TCF7L1: variants seen among roughly 807,000 people sequenced by gnomAD.
TCF7L1 encodes transcription factor 7 like 1.
In TCF7L1, 18 loss-of-function variants were observed where a neutral mutation model predicts 63.7. The ratio of observed to expected loss-of-function variants is 0.28; its 90% confidence interval spans 0.20 to 0.42. TCF7L1 has a LOEUF of 0.42. TCF7L1 is among the 10% of genes least tolerant of loss of function. TCF7L1 has a pLI of 1.00. For missense variants in TCF7L1, 654 were observed against 779.3 expected, an observed-to-expected ratio of 0.84 and a Z score of 1.91; for synonymous variants, 355 against 340.9, an observed-to-expected ratio of 1.04 and a Z score of -0.46.
At chr2:85,308,960 G>C (rs1470620483) in intron 11 of TCF7L1, 69 bp from the exon 12 acceptor site, 1 of 1,492,824 alleles carries the variant, frequency 6.7e-7, no homozygotes, top group African/African-American at 1.4e-5. Flanking sequence ...TGTATCGCCA[G>C]GGCTGTTCCT....
intron 3 of TCF7L1, among the ~76,000 whole-genome samples, chr2:85,204,372 C>T (rs1679347243): frequency 7.3e-6 from 1 of 136,694 alleles, no homozygotes; most frequent in South Asian, 2.4e-4. Flanking sequence ...TCTAATTAGC[C>T]ACTGTGTGGT....
chr2:85,209,138 G>A (rs754332270), intron 3 of TCF7L1, among the ~76,000 whole-genome samples: 4 of 143,206 alleles, frequency 2.8e-5, no homozygotes, highest in Non-Finnish European at 4.6e-5. Flanking sequence ...TTGCCAGGAA[G>A]GCCCTTAGAA....
At chr2:85,181,436 G>T (rs147408217) in intron 3 of TCF7L1, among the ~76,000 whole-genome samples, 2 of 152,176 alleles carry the variant, frequency 1.3e-5, no homozygotes, top group Non-Finnish European at 2.9e-5. Flanking sequence ...GCATGGGCCC[G>T]CCTGCTGGGG....
chr2:85,140,433 T>C (rs1677699492), intron 3 of TCF7L1, among the ~76,000 whole-genome samples: 1 of 151,464 alleles, frequency 6.6e-6, no homozygotes, highest in Non-Finnish European at 1.5e-5. Flanking sequence ...AAGGGAGCAT[T>C]GGGTAAGGTA....
At chr2:85,297,497 CGT>C (rs761209193) in intron 4 of TCF7L1, among the ~76,000 whole-genome samples, 28 of 152,296 alleles carry the variant, frequency 1.8e-4, no homozygotes, top group Non-Finnish European at 3.4e-4. Flanking sequence ...CCACAATCAA[CGT>C]GTCCAGCTCC....
intron 3 of TCF7L1, among the ~76,000 whole-genome samples, chr2:85,239,064 A>G (rs1361731921): frequency 1.3e-5 from 2 of 152,050 alleles, no homozygotes; most frequent in Non-Finnish European, 2.9e-5. Context: ...ACAGGGGTCC[A>G]GGGGTATGAC....
chr2:85,302,575 C>T lies in TCF7L1; in HGVS notation c.617C>T (p.Ser206Phe). ...TYSNDHFSPGSPPTHLSPEID... is the reference protein window; with the variant it reads ...TYSNDHFSPGFPPTHLSPEID... ...AGCAATGACCACTTCTCCCCCGGCTCCCCTCCCACCCACCTCTCCCCAGAG... is the reference window on the plus strand; with the variant it reads ...AGCAATGACCACTTCTCCCCCGGCTTCCCTCCCACCCACCTCTCCCCAGAG... The change falls in exon 5 of 12, where the codon TCC becomes TTC. Residue 206 changes from serine (S) to phenylalanine (F), a missense_variant. Physicochemically the swap from Ser to Phe is radical, Grantham distance 155 (BLOSUM62 -2). This residue lies in a region of TCF7L1 where 404 missense variants were observed against 454.8 expected (regional missense o/e 0.89). Coordinates refer to ENST00000282111, the MANE Select transcript of TCF7L1 (RefSeq NM_031283.3). The T allele has an allele frequency of 1.2e-6, 2 of 1,602,918 alleles. No individual in the cohort carries two copies. Among genetic ancestry groups the T allele is most frequent in the Non-Finnish European group, 1.7e-6 (2 of 1,172,728 alleles).
chr2:85,192,395 T>A lies in TCF7L1; in HGVS notation c.441+57945T>A, dbSNP rs532601371. On this transcript the variant is annotated intron_variant, in intron 3 of 11. Coordinates refer to ENST00000282111, the MANE Select transcript of TCF7L1 (RefSeq NM_031283.3). ...AACATGTAGAGCTCTAATTTTATTTTTTTTTTATTTATTTTTTTGAGACAG... is the reference window on the plus strand; with the variant it reads ...AACATGTAGAGCTCTAATTTTATTTATTTTTTATTTATTTTTTTGAGACAG... 1.8e-4 allele frequency among the ~76,000 whole-genome samples: 28 copies of A among 152,308 alleles called. No individual in the cohort carries two copies. The South Asian group carries it at 4.6e-3, about 25-fold the overall frequency.
intron 3 of TCF7L1, among the ~76,000 whole-genome samples, chr2:85,279,377 A>AC (rs60624652): frequency 6.6e-6 from 1 of 151,960 alleles, no homozygotes; most frequent in East Asian, 1.9e-4. Context: ...TGGGCAACGT[A>AC]GCAAGACCCC....
chr2:85,309,470 C>T lies in TCF7L1; in HGVS notation c.*8C>T. On this transcript the variant is annotated 3_prime_UTR_variant, in exon 12 of 12. Coordinates refer to ENST00000282111, the MANE Select transcript of TCF7L1 (RefSeq NM_031283.3). ...ACCAAGTCTGCCCACTAAGCTCCCC[C>T]CGACCCCTGCAGGCTGTCACATGAC... The T allele has an allele frequency of 6.6e-7, 1 of 1,518,636 alleles. No individual in the cohort carries two copies. Among genetic ancestry groups the T allele is most frequent in the Admixed American group, 2.2e-5 (1 of 44,474 alleles). 94.1% of individuals were successfully genotyped at this position (1,518,636 alleles called of 1,614,324 possible).
At chr2:85,264,407 C>T (rs1354734502) in intron 3 of TCF7L1, among the ~76,000 whole-genome samples, 1 of 152,152 alleles carries the variant, frequency 6.6e-6, no homozygotes, top group African/African-American at 2.4e-5. Flanking sequence ...CACAAATCCT[C>T]GGACATGAGA....
rs1679194906 is a variant in TCF7L1 at position 85,197,977 on chromosome 2, G to C, written c.441+63527G>C. Among the ~76,000 whole-genome samples the C allele has an allele frequency of 4.6e-5, 7 of 152,198 alleles. No individual in the cohort carries two copies. In the South Asian group the frequency reaches 1.4e-3, roughly 31 times the overall value. Reference sequence around the variant, plus strand: ...TGGCAGAGGAGGGGTCCAGTGGGCTGTCTGGGCCATGTGAGGCTGTCTGCA... The same window carrying C: ...TGGCAGAGGAGGGGTCCAGTGGGCTCTCTGGGCCATGTGAGGCTGTCTGCA... On this transcript the variant is annotated intron_variant, in intron 3 of 11. Coordinates refer to ENST00000282111, the MANE Select transcript of TCF7L1 (RefSeq NM_031283.3).
chr2:85,297,680 CCCGGCATGG>C (rs1478124625), intron 4 of TCF7L1, among the ~76,000 whole-genome samples: 29 of 152,092 alleles, frequency 1.9e-4, no homozygotes, highest in Non-Finnish European at 3.4e-4. Flanking sequence ...CAAAAGTTAG[CCCGGCATGG>C]TGGGAAGATC....
chr2:85,221,649 G>A (rs1465853378), intron 3 of TCF7L1, among the ~76,000 whole-genome samples: 2 of 152,190 alleles, frequency 1.3e-5, no homozygotes, highest in Admixed American at 6.5e-5. Flanking sequence ...CCACAATAAG[G>A]GCATTAATAC....
At chr2:85,254,464 G>C (rs1680661838) in intron 3 of TCF7L1, among the ~76,000 whole-genome samples, 1 of 152,200 alleles carries the variant, frequency 6.6e-6, no homozygotes, top group African/African-American at 2.4e-5. Flanking sequence ...CTTGAAGGTT[G>C]TTTCATAGCC....
At chr2:85,166,565 C>T (rs1360376947) in intron 3 of TCF7L1, among the ~76,000 whole-genome samples, 1 of 152,186 alleles carries the variant, frequency 6.6e-6, no homozygotes, top group East Asian at 1.9e-4. Flanking sequence ...ACCCAGGAGC[C>T]CTGCCCTATC....
chr2:85,266,406 G>A (rs1326429645), intron 3 of TCF7L1, among the ~76,000 whole-genome samples: 1 of 152,194 alleles, frequency 6.6e-6, no homozygotes, highest in Non-Finnish European at 1.5e-5. Context: ...GCCAACATGA[G>A]AGACTAAAAG....
At position 85,294,026 on chromosome 2, in the gene TCF7L1, A is replaced by ATTTTTTTTTTTT. The variant is rs774050758; in HGVS notation, c.526-8441_526-8430dup. Among the ~76,000 whole-genome samples the ATTTTTTTTTTTT allele has an allele frequency of 1.7e-3, 100 of 59,476 alleles. 17 individuals are homozygous for ATTTTTTTTTTTT. The highest frequency in any genetic ancestry group is 5.2e-3 in the East Asian group (6 of 1,160). The allele number at this position is 59,476 out of a possible 152,430, so 39.0% of individuals were successfully genotyped here. The stretch of plus-strand genomic sequence containing the variant: ...ATTTAGGTGTGGCCTGAACACTGGG[A>ATTTTTTTTTTTT]TTTTTTTTTTTTTTTTTTTTTTTTT... On this transcript the variant is annotated intron_variant, in intron 4 of 11. Transcript: ENST00000282111.
intron 3 of TCF7L1, among the ~76,000 whole-genome samples, chr2:85,250,618 G>A (rs1680566687): frequency 6.6e-6 from 1 of 152,078 alleles, no homozygotes; most frequent in Non-Finnish European, 1.5e-5. Context: ...TGTATTTTTA[G>A]TAGAGACAGG....
Sources: gnomAD v4.1 joint callset for allele counts (sites outside exome capture counted in the v4.1 genomes callset) on GRCh38, gnomAD v4.1.1 for gene constraint, gnomAD v4.1.1 regional missense constraint, MANE v1.5 for transcripts, NCBI Gene and HGNC (gene_info 2026-07-23, HGNC 2026-07-21) for gene names.